REEP5: variants seen among roughly 807,000 people sequenced by gnomAD.
REEP5 encodes receptor expression-enhancing protein 5.
Under a neutral mutation model 22.4 loss-of-function variants are expected in REEP5, and 24 were observed. The observed-to-expected ratio is 1.07, with a 90% CI of 0.78 to 1.51. REEP5 has a LOEUF of 1.51. Ranked by LOEUF, REEP5 falls within the 40% of genes most tolerant of loss-of-function variation. REEP5 has a pLI of 0.00. For synonymous variants in REEP5, 103 were observed against 88.6 expected (o/e 1.16, Z -0.92); for missense variants, 252 against 233.0 (o/e 1.08, Z -0.53).
intron 2 of REEP5, among the ~76,000 whole-genome samples, chr5:112,906,782 T>A (rs1015821095): frequency 1.3e-5 from 2 of 152,206 alleles, no homozygotes; most frequent in African/African-American, 4.8e-5. Context: ...GTGATCATAA[T>A]GCAGAACTGT....
At chr5:112,905,975 T>TG (rs1768949216) in intron 2 of REEP5, among the ~76,000 whole-genome samples, 1 of 152,176 alleles carries the variant, frequency 6.6e-6, no homozygotes. Context: ...TAGATAAAAG[T>TG]GATTCTCCAA....
intron 3 of REEP5, among the ~76,000 whole-genome samples, chr5:112,889,010 C>A (rs548599564): frequency 2.5e-4 from 37 of 150,866 alleles, no homozygotes; most frequent in Admixed American, 4.0e-4. Context: ...TTTCCCCTTT[C>A]GCTTGGGCTC....
rs1769360218 is a variant in REEP5, at chr5:112,921,347, G to T, written c.119-91C>A. 4 of 1,242,400 alleles carry T rather than the reference G, an allele frequency of 3.2e-6. No individual in the cohort carries two copies. In the East Asian group the frequency reaches 7.1e-5, roughly 22 times the overall value. The allele number at this position is 1,242,400 out of a possible 1,614,324, so 77.0% of individuals were successfully genotyped here. Reference sequence around the variant, plus strand: ...CCCACACCGCGAGGCTGGGCCTGTTGTAGGAGTTTTCCTCTCGACTCGATT... The same window carrying T: ...CCCACACCGCGAGGCTGGGCCTGTTTTAGGAGTTTTCCTCTCGACTCGATT... On this transcript the variant is annotated intron_variant, in intron 1 of 4. Coordinates refer to ENST00000379638, the MANE Select transcript of REEP5 (RefSeq NM_005669.5).
chr5:112,914,703 TC>T (rs1340554925), intron 2 of REEP5, among the ~76,000 whole-genome samples: 2 of 152,162 alleles, frequency 1.3e-5, no homozygotes, highest in African/African-American at 4.8e-5. Context: ...AGCTGCCTTT[TC>T]CTAGGTAAAG....
At chr5:112,889,709 C>T (rs1169495590) in intron 3 of REEP5, among the ~76,000 whole-genome samples, 2 of 150,406 alleles carry the variant, frequency 1.3e-5, no homozygotes, top group African/African-American at 2.5e-5. Context: ...GATATACTAG[C>T]CAGGCTTACA....
At chr5:112,890,058 C>T (rs1227892897) in intron 3 of REEP5, among the ~76,000 whole-genome samples, 1 of 150,324 alleles carries the variant, frequency 6.7e-6, no homozygotes, top group Admixed American at 6.6e-5. Context: ...AACTCCTGAC[C>T]TCAAATGATC....
At chr5:112,899,485 T>C (rs72787387) in intron 3 of REEP5, among the ~76,000 whole-genome samples, 2,460 of 152,290 alleles carry the variant, frequency 0.016, 36 homozygotes, top group Non-Finnish European at 0.025. Context: ...CAAAAATTTC[T>C]GGGTCTGTAC....
At chr5:112,894,113 TGG>T (rs1359862447) in intron 3 of REEP5, 2 of 139,950 alleles carry the variant, frequency 1.4e-5, no homozygotes, top group African/African-American at 5.9e-5. Flanking sequence ...TTTGTTTTTT[TGG>T]TTTTTTTTGT....
At chr5:112,879,368 TC>T (rs1767999612) in intron 4 of REEP5, among the ~76,000 whole-genome samples, 1 of 151,948 alleles carries the variant, frequency 6.6e-6, no homozygotes, top group African/African-American at 2.4e-5. Flanking sequence ...GGAGATTAGT[TC>T]CAGGAACCCT....
At chr5:112,891,703 A>T in intron 3 of REEP5, 2 of 1,614,150 alleles carry the variant, frequency 1.2e-6, no homozygotes, top group Non-Finnish European at 1.7e-6. Context: ...ACCAAGCCAC[A>T]AAAAGTACAG....
intron 1 of REEP5, 68 bp downstream of exon 1, chr5:112,922,005 T>C (rs1769383526): frequency 1.3e-6 from 2 of 1,531,100 alleles, no homozygotes; most frequent in Non-Finnish European, 1.8e-6. Context: ...CCCTGCTTCC[T>C]TCCCCAGCAG....
intron 2 of REEP5, among the ~76,000 whole-genome samples, chr5:112,902,858 C>G (rs776211313): frequency 2.0e-5 from 3 of 152,156 alleles, no homozygotes; most frequent in Non-Finnish European, 4.4e-5. Flanking sequence ...CTGGGTCCTG[C>G]CACGAGGGAT....
At chr5:112,892,890 A>G (rs1768530145) in intron 3 of REEP5, 1 of 1,611,920 alleles carries the variant, frequency 6.2e-7, no homozygotes, top group Admixed American at 1.7e-5. Context: ...AACGCACATC[A>G]AAGAGTCGGG....
chr5:112,894,639 C>CT (rs1458294584), intron 3 of REEP5: 2 of 152,190 alleles, frequency 1.3e-5, no homozygotes, highest in African/African-American at 4.8e-5. Flanking sequence ...GCAATTGTTA[C>CT]TTACTATATT....
At chr5:112,921,435 G>GA (rs1769363077) in intron 1 of REEP5, 179 bp from the exon 2 acceptor site, 1 of 632,650 alleles carries the variant, frequency 1.6e-6, no homozygotes, top group Admixed American at 2.5e-5. Flanking sequence ...GCTATGCCTT[G>GA]AAGTCTGGGG....
At position 112,878,673 on chromosome 5, in the gene REEP5, C is replaced by CA. The variant is rs1444126535; in HGVS notation, c.*112dup. ...CAACACATTCCAATCTTTAATATCT[C>CA]AAAAATGTTTCCAAGGCAACATTAT... On this transcript the variant is annotated 3_prime_UTR_variant, in exon 5 of 5. Transcript: ENST00000379638. 9 of 1,445,086 alleles carry CA rather than the reference C, an allele frequency of 6.2e-6. No homozygotes were observed. The African/African-American group carries it at 1.1e-4, about 18-fold the overall frequency. The allele number at this position is 1,445,086 out of a possible 1,614,324, so 89.5% of individuals were successfully genotyped here.
chr5:112,908,618 C>T (rs967582741), intron 2 of REEP5, among the ~76,000 whole-genome samples: 3 of 152,164 alleles, frequency 2.0e-5, no homozygotes, highest in Admixed American at 1.3e-4. Flanking sequence ...CTCTGCCTCC[C>T]GGGTTCATGC....
At chr5:112,881,128 C>CCAA (rs1768063010) in intron 4 of REEP5, among the ~76,000 whole-genome samples, 1 of 67,204 alleles carries the variant, frequency 1.5e-5, no homozygotes, top group Non-Finnish European at 2.6e-5. Flanking sequence ...GACTCTGTTT[C>CCAA]AAAAAAAAAA....
At chr5:112,909,771 C>T (rs924282035) in intron 2 of REEP5, among the ~76,000 whole-genome samples, 5 of 152,176 alleles carry the variant, frequency 3.3e-5, no homozygotes, top group Non-Finnish European at 5.9e-5. Context: ...TTGTTCACAC[C>T]TTGGCTGCTA....
Sources: allele counts gnomAD v4.1 joint callset (sites outside exome capture counted in the v4.1 genomes callset), GRCh38; gene constraint gnomAD v4.1.1; transcripts MANE v1.5; gene names NCBI Gene and HGNC (gene_info 2026-07-23, HGNC 2026-07-21).